The following MGA variants were observed in gnomAD, a reference collection of about 807,000 sequenced individuals.
MGA encodes MAX dimerization protein MGA.
In MGA, 40 loss-of-function variants were observed where a neutral mutation model predicts 261.1. The observed-to-expected ratio is 0.15, with a 90% CI of 0.12 to 0.20. The LOEUF (loss-of-function observed/expected upper bound fraction) is 0.20. MGA is among the 10% of genes least tolerant of loss of function. MGA has a pLI of 1.00. For missense variants in MGA, 3,397 were observed against 3,630.5 expected (o/e 0.94, Z 1.65); for synonymous variants, 1,302 against 1,290.6 (o/e 1.01, Z -0.19).
chr15:41,721,540 T>C (rs2060938037), intron 9 of MGA, among the ~76,000 whole-genome samples: 1 of 152,142 alleles, frequency 6.6e-6, no homozygotes. Flanking sequence ...GTCTACAAAT[T>C]AATAATAAAC....
chr15:41,688,936 G>A (rs191716044), intron 2 of MGA, among the ~76,000 whole-genome samples: 3 of 152,194 alleles, frequency 2.0e-5, no homozygotes, highest in African/African-American at 7.2e-5. Context: ...CACACATGGG[G>A]GGAGCGGGGG....
intron 2 of MGA, among the ~76,000 whole-genome samples, chr15:41,672,496 A>G (rs551974085): frequency 1.2e-4 from 19 of 152,312 alleles, no homozygotes; most frequent in African/African-American, 4.3e-4. Flanking sequence ...TTGGGATTAC[A>G]TATGGTTAAG....
chr15:41,665,599 C>T (rs895353423), intron 1 of MGA, among the ~76,000 whole-genome samples: 6 of 152,140 alleles, frequency 3.9e-5, no homozygotes, highest in Non-Finnish European at 8.8e-5. Context: ...AACTCCTGGG[C>T]TTAAGCGATC....
chr15:41,737,604 A>T (rs2061856209), intron 13 of MGA, among the ~76,000 whole-genome samples: 1 of 152,092 alleles, frequency 6.6e-6, no homozygotes, highest in Admixed American at 6.5e-5. Context: ...ATACTTAGTA[A>T]TTCACGCAGG....
At chr15:41,732,643 G>A (rs972715847) in intron 11 of MGA, among the ~76,000 whole-genome samples, 1 of 152,172 alleles carries the variant, frequency 6.6e-6, no homozygotes, top group African/African-American at 2.4e-5. Context: ...ATCCTCTGTG[G>A]CCTGTCTAGG....
At chr15:41,643,237 T>G (rs542900261) in intron 1 of MGA, among the ~76,000 whole-genome samples, 27 of 149,258 alleles carry the variant, frequency 1.8e-4, no homozygotes, top group African/African-American at 6.6e-4. Flanking sequence ...TTATTTTATT[T>G]TATTTTTTAT....
At chr15:41,764,276 C>T (rs1336495306) in intron 22 of MGA, among the ~76,000 whole-genome samples, 4 of 122,880 alleles carry the variant, frequency 3.3e-5, no homozygotes, top group African/African-American at 6.4e-5. Flanking sequence ...TTTTTTGAGA[C>T]GGAGTCTCGC....
In MGA at chr15:41,765,028, G is replaced by C; in HGVS notation, c.7887G>C (p.Lys2629Asn). ...CTGATCTCTTAGAATCTGATCTTAA[G>C]CCTCAAGTTGCCGGTAGTGCTGTGG... The change falls in exon 23 of 24, where the codon AAG (lysine) becomes AAC (asparagine). Residue 2629 changes from lysine (K) to asparagine (N), a missense_variant. Physicochemically the swap from Lys to Asn is moderately conservative, Grantham distance 94. Transcript: ENST00000219905. The C allele has an allele frequency of 8.1e-6, 13 of 1,614,044 alleles. No homozygotes were observed. Among genetic ancestry groups the C allele is most frequent in the Non-Finnish European group, 1.1e-5 (13 of 1,179,888 alleles).
chr15:41,639,598 G>A (rs1011623658), intron 1 of MGA, among the ~76,000 whole-genome samples: 54 of 151,648 alleles, frequency 3.6e-4, no homozygotes, highest in Admixed American at 3.4e-3. Context: ...AGGCTGGAGT[G>A]CAGTGGCGCA....
In MGA at chr15:41,766,984, C is replaced by G. The variant is rs1325804320; in HGVS notation, c.8902C>G (p.His2968Asp). 1 of 1,614,028 alleles carries G rather than the reference C, an allele frequency of 6.2e-7. No homozygotes were observed. The highest frequency in any genetic ancestry group is 8.5e-7 in the Non-Finnish European group (1 of 1,179,892). ...AAGTGTGTCCTCACCCCCCACCCTA[C>G]ACATGAAGACTGGCTTGGAGAACAG... is the stretch of plus-strand genomic sequence containing the variant. Residue 2968 changes from histidine to aspartate, a missense_variant, in exon 24 of 24, where the codon CAC (histidine) becomes GAC (aspartate). Coordinates refer to ENST00000219905, the MANE Select transcript of MGA (RefSeq NM_001164273.2).
intron 13 of MGA, among the ~76,000 whole-genome samples, chr15:41,738,099 T>C (rs1567056950): frequency 1.3e-5 from 2 of 152,112 alleles, no homozygotes; most frequent in African/African-American, 4.8e-5. Flanking sequence ...GACTTCTCCA[T>C]TAATAATATG....
intron 1 of MGA, among the ~76,000 whole-genome samples, chr15:41,649,379 CAAAA>C (rs35806439): frequency 1.5e-5 from 2 of 136,158 alleles, no homozygotes; most frequent in Non-Finnish European, 3.2e-5. Context: ...GAGACTGTCT[CAAAA>C]AAAAAAAAAA....
intron 9 of MGA, among the ~76,000 whole-genome samples, chr15:41,720,819 C>CTT (rs1045257562): frequency 5.4e-4 from 82 of 152,012 alleles, no homozygotes; most frequent in African/African-American, 1.9e-3. Context: ...AAGTGAGACT[C>CTT]TGTCTCAAAA....
At position 41,762,325 on chromosome 15, in the gene MGA, A is replaced by T; in HGVS notation, c.7707A>T (p.Lys2569Asn). ...TGTTTATAAATAACAGGAGGGGGAAACCTTTGATTCTTTCCAGAAAAAAAG... is the reference window on the plus strand; with the variant it reads ...TGTTTATAAATAACAGGAGGGGGAATCCTTTGATTCTTTCCAGAAAAAAAG... The change falls in exon 22 of 24, where the codon AAA (lysine) becomes AAT (asparagine). Residue 2569 changes from lysine to asparagine, a missense_variant. Coordinates refer to ENST00000219905, the MANE Select transcript of MGA (RefSeq NM_001164273.2). 6.2e-7 allele frequency: 1 copy of T among 1,613,716 alleles called. No individual in the cohort carries two copies. The highest frequency in any genetic ancestry group is 8.5e-7 in the Non-Finnish European group (1 of 1,179,836).
At position 41,743,319 on chromosome 15, in the gene MGA, A is replaced by G. The variant is rs189561650; in HGVS notation, c.5212+147A>G. The stretch of plus-strand genomic sequence containing the variant: ...TACATGTATTCCTGAAAACCTCTGC[A>G]TGCTGCAAAACTGAACACTAAAATT... On this transcript the variant is annotated intron_variant, in intron 15 of 23. Transcript: ENST00000219905. 909 of 1,050,062 alleles carry G rather than the reference A, an allele frequency of 8.7e-4. 5 individuals carry two copies. The highest frequency in any genetic ancestry group is 3.6e-4 in the Non-Finnish European group (268 of 744,618). The allele number at this position is 1,050,062 out of a possible 1,614,324, so 65.0% of individuals were successfully genotyped here.
intron 10 of MGA, among the ~76,000 whole-genome samples, chr15:41,727,992 G>A (rs1397336096): frequency 6.6e-6 from 1 of 152,150 alleles, no homozygotes; most frequent in Non-Finnish European, 1.5e-5. Context: ...GTTCTTTGTA[G>A]CAGAGCTATT....
At chr15:41,702,774 C>A (rs1486011155) in intron 5 of MGA, among the ~76,000 whole-genome samples, 1 of 152,120 alleles carries the variant, frequency 6.6e-6, no homozygotes. Context: ...AGTCTGTTAG[C>A]TTATCTGAAA....
chr15:41,633,775 T>C lies in MGA; in HGVS notation c.-68+12477T>C, dbSNP rs555174440. ...AGAGAAGCTGTCAGATTGGAGATGC[T>C]GATGCTGTTAAAGTCCAGTCATATC... On this transcript the variant is annotated intron_variant, in intron 1 of 8. Transcript: ENST00000566718. 2.0e-5 allele frequency among the ~76,000 whole-genome samples: 3 copies of C among 152,258 alleles called. 1 individual carries two copies. In the South Asian group the frequency reaches 6.2e-4, roughly 32 times the overall value.
At chr15:41,731,438 T>TA (rs2061504514) in intron 11 of MGA, among the ~76,000 whole-genome samples, 3 of 152,212 alleles carry the variant, frequency 2.0e-5, no homozygotes, top group African/African-American at 7.2e-5. Context: ...AAAAACTCTT[T>TA]AAAATAAACT....
Sources: gnomAD v4.1 joint callset for allele counts (sites outside exome capture counted in the v4.1 genomes callset) on GRCh38, gnomAD v4.1.1 for gene constraint, MANE v1.5 for transcripts, NCBI Gene and HGNC (gene_info 2026-07-23, HGNC 2026-07-21) for gene names.